Variants in IGF1R observed in about 807,000 individuals in gnomAD.
IGF1R encodes insulin like growth factor 1 receptor.
In IGF1R, 44 loss-of-function variants were observed where a neutral mutation model predicts 144.6. The observed-to-expected ratio is 0.30, with a 90% CI of 0.24 to 0.39. IGF1R has a LOEUF of 0.39. IGF1R is among the 10% of genes least tolerant of loss of function. The pLI is 1.00. For synonymous variants in IGF1R, 795 were observed against 722.8 expected (o/e 1.10, Z -1.60); for missense variants, 1,355 against 1,833.7 (o/e 0.74, Z 4.77).
chr15:98,955,687 G>C (rs977548135), intron 20 of IGF1R, among the ~76,000 whole-genome samples: 2 of 152,242 alleles, frequency 1.3e-5, no homozygotes, highest in Non-Finnish European at 2.9e-5. Flanking sequence ...GGCCATAGGA[G>C]CCCTTCTCTT....
intron 2 of IGF1R, among the ~76,000 whole-genome samples, chr15:98,845,045 A>T (rs1313104800): frequency 2.0e-5 from 3 of 152,254 alleles, no homozygotes; most frequent in Admixed American, 2.0e-4. Flanking sequence ...AGGAGTTTAC[A>T]TGAGTGTTTT....
At chr15:98,755,830 G>A (rs1218560908) in intron 2 of IGF1R, among the ~76,000 whole-genome samples, 1 of 142,064 alleles carries the variant, frequency 7.0e-6, no homozygotes, top group African/African-American at 2.6e-5. Context: ...GGTAAATATA[G>A]TTTATCATAT....
At position 98,770,764 on chromosome 15, in the gene IGF1R, C is replaced by T. The variant is rs545219718; in HGVS notation, c.640+62657C>T. Among the ~76,000 whole-genome samples, 4 of 152,232 alleles carry T rather than the reference C, an allele frequency of 2.6e-5. 1 individual carries two copies. The highest frequency in any genetic ancestry group is 9.6e-5 in the African/African-American group (4 of 41,536). ...TCTCTCAGGTCCCTCCCGCTCCCTGCCGTGTCCTGGTTCTACTTGCCGGCA... is the reference window on the plus strand; with the variant it reads ...TCTCTCAGGTCCCTCCCGCTCCCTGTCGTGTCCTGGTTCTACTTGCCGGCA... On this transcript the variant is annotated intron_variant, in intron 2 of 20. Coordinates refer to ENST00000650285, the MANE Select transcript of IGF1R (RefSeq NM_000875.5).
intron 19 of IGF1R, among the ~76,000 whole-genome samples, chr15:98,944,694 T>C (rs2016487389): frequency 6.6e-6 from 1 of 152,244 alleles, no homozygotes; most frequent in Admixed American, 6.5e-5. Flanking sequence ...TTTTAGGATT[T>C]GGGATGTATC....
intron 2 of IGF1R, among the ~76,000 whole-genome samples, chr15:98,815,720 G>T (rs551641557): frequency 1.3e-5 from 2 of 152,118 alleles, no homozygotes; most frequent in Non-Finnish European, 2.9e-5. Context: ...GAGTGTTTTC[G>T]AAATGCAGAG....
chr15:98,696,672 T>A (rs2053604214), intron 1 of IGF1R, among the ~76,000 whole-genome samples: 3 of 152,208 alleles, frequency 2.0e-5, no homozygotes, highest in Admixed American at 1.3e-4. Flanking sequence ...TAAGAGAATG[T>A]TACTACCAGG....
Position 98,731,641 on chromosome 15 carries a change from G to A in IGF1R, c.640+23534G>A, listed in dbSNP as rs970872014. Among the ~76,000 whole-genome samples the A allele has an allele frequency of 8.5e-5, 13 of 152,208 alleles. 1 individual carries two copies. The East Asian group carries it at 1.5e-3, about 18-fold the overall frequency. On this transcript the variant is annotated intron_variant, in intron 2 of 20. Coordinates refer to ENST00000650285, the MANE Select transcript of IGF1R (RefSeq NM_000875.5). ...AGCGTATCCCATTTCCCTGAATGTCGTGTGGACACGTGAGAGGACAGTGCA... is the reference window on the plus strand; with the variant it reads ...AGCGTATCCCATTTCCCTGAATGTCATGTGGACACGTGAGAGGACAGTGCA...
chr15:98,939,737 C>T (rs993828549), intron 18 of IGF1R, among the ~76,000 whole-genome samples: 13 of 152,214 alleles, frequency 8.5e-5, no homozygotes, highest in African/African-American at 3.1e-4. Context: ...TCCAATTTTC[C>T]TAGCTTTTAA....
At chr15:98,932,424 T>C (rs1416535245) in intron 15 of IGF1R, among the ~76,000 whole-genome samples, 1 of 152,142 alleles carries the variant, frequency 6.6e-6, no homozygotes, top group Non-Finnish European at 1.5e-5. Flanking sequence ...GCTGATAACA[T>C]TGTGCACAGA....
At chr15:98,767,526 TA>T (rs919514975) in intron 2 of IGF1R, among the ~76,000 whole-genome samples, 2 of 152,158 alleles carry the variant, frequency 1.3e-5, no homozygotes, top group African/African-American at 4.8e-5. Flanking sequence ...AAAGCTTCTT[TA>T]AAAAAATGAT....
intron 1 of IGF1R, among the ~76,000 whole-genome samples, chr15:98,664,649 C>T (rs539120199): frequency 3.4e-5 from 5 of 147,142 alleles, no homozygotes; most frequent in South Asian, 2.2e-4. Context: ...GCCAAGATCG[C>T]GCCACTGCAC....
At chr15:98,682,628 GC>G (rs2053221122) in intron 1 of IGF1R, among the ~76,000 whole-genome samples, 1 of 151,936 alleles carries the variant, frequency 6.6e-6, no homozygotes, top group Admixed American at 6.6e-5. Flanking sequence ...GCTCACTGCA[GC>G]CTCTGCCTTC....
At chr15:98,780,090 A>ATT (rs575981766) in intron 2 of IGF1R, among the ~76,000 whole-genome samples, 7 of 146,292 alleles carry the variant, frequency 4.8e-5, no homozygotes, top group South Asian at 2.2e-4. Flanking sequence ...CCAGGTGGCT[A>ATT]TTTTTTTTTT....
In IGF1R at chr15:98,738,728, A is replaced by G. The variant is rs77928268; in HGVS notation, c.640+30621A>G. On this transcript the variant is annotated intron_variant, in intron 2 of 20. Transcript: ENST00000650285. ...ACTGGAAATTCAACTCTGTACTTGA[A>G]TACTTGGTAATGCCCAGCATTCTCT... Among the ~76,000 whole-genome samples the G allele has an allele frequency of 2.6e-5, 4 of 152,286 alleles. No individual in the cohort carries two copies. The East Asian group carries it at 5.8e-4, about 22-fold the overall frequency.
At chr15:98,873,360 A>G (rs2012887762) in intron 2 of IGF1R, among the ~76,000 whole-genome samples, 1 of 152,220 alleles carries the variant, frequency 6.6e-6, no homozygotes, top group African/African-American at 2.4e-5. Flanking sequence ...TTTGATGGCC[A>G]TCCTAGTCCA....
intron 12 of IGF1R, 137 bp from the exon 13 acceptor site, chr15:98,924,386 CTT>C: frequency 1.2e-6 from 1 of 854,476 alleles, no homozygotes; most frequent in African/African-American, 1.7e-5. Context: ...ATTTCTTTGT[CTT>C]TACTGACACT....
At position 98,957,262 on chromosome 15, in the gene IGF1R, G is replaced by A. The variant is rs1055854980; in HGVS notation, c.3924G>A (p.Ser1308=). ...ENMESVPLDP[S]ASSSSLPLPD... is the part of the protein sequence containing the mutation. ...TGGAGAGCGTCCCCCTGGACCCCTC[G>A]GCCTCCTCGTCCTCCCTGCCACTGC... The change falls in exon 21 of 21, where the codon TCG becomes TCA. Residue 1308 remains serine, a synonymous_variant. Transcript: ENST00000650285. The A allele has an allele frequency of 6.2e-6, 10 of 1,613,912 alleles. No homozygotes were observed. Among genetic ancestry groups the A allele is most frequent in the South Asian group, 3.3e-5 (3 of 91,086 alleles).
intron 2 of IGF1R, among the ~76,000 whole-genome samples, chr15:98,861,087 C>T (rs962202688): frequency 2.7e-5 from 4 of 148,484 alleles, no homozygotes; most frequent in Non-Finnish European, 3.0e-5. Context: ...CCGTCTCAGT[C>T]TGTCTCTCTC....
intron 2 of IGF1R, among the ~76,000 whole-genome samples, chr15:98,852,127 G>C (rs773427761): frequency 1.3e-5 from 2 of 152,224 alleles, no homozygotes; most frequent in African/African-American, 2.4e-5. Flanking sequence ...CGAAGAAGAG[G>C]AGCCGAATTA....
Sources: allele counts gnomAD v4.1 joint callset (sites outside exome capture counted in the v4.1 genomes callset), GRCh38; gene constraint gnomAD v4.1.1; transcripts MANE v1.5; gene names NCBI Gene and HGNC (gene_info 2026-07-23, HGNC 2026-07-21).